DARS1: variants seen among roughly 807,000 people sequenced by gnomAD.
The protein encoded by DARS1 is aspartyl-tRNA synthetase 1, also known as aspartate--tRNA ligase, cytoplasmic.
A neutral mutation model predicts 68.8 loss-of-function variants in DARS1; 51 were observed. The observed-to-expected ratio is 0.74, with a 90% CI of 0.59 to 0.94. The LOEUF (loss-of-function observed/expected upper bound fraction) is 0.94, where lower values mean the gene tolerates loss of function less well. DARS1 is among the 40% of genes least tolerant of loss of function. The pLI is 0.00. For synonymous variants in DARS1, 203 were observed against 190.4 expected, an observed-to-expected ratio of 1.07 and a Z score of -0.55; for missense variants, 607 against 597.3, an observed-to-expected ratio of 1.02 and a Z score of -0.17.
chr2:135,929,955 C>T (rs1681306874), intron 7 of DARS1, among the ~76,000 whole-genome samples: 1 of 152,020 alleles, frequency 6.6e-6, no homozygotes, highest in Admixed American at 6.6e-5. Flanking sequence ...TGACTGGGGG[C>T]ATTTGCCATG....
In DARS1 at chr2:135,932,806, C is replaced by T; in HGVS notation, c.541G>A (p.Asp181Asn). Reference sequence around the variant, plus strand: ...ACCCTAAGATCAATGACTCTGTTGTCTAATCTTGTATCCTGGTTAACAGTA... The same window carrying T: ...ACCCTAAGATCAATGACTCTGTTGTTTAATCTTGTATCCTGGTTAACAGTA... The part of the protein sequence containing the change: ...RATVNQDTRL[D>N]NRVIDLRTST... The change falls in exon 7 of 16, where the codon GAC becomes AAC. Residue 181 changes from aspartate (D) to asparagine (N), a missense_variant. By Grantham distance (23) the Asp-to-Asn change is conservative (BLOSUM62 1). Transcript: ENST00000264161. 1 of 1,315,988 alleles carries T rather than the reference C, an allele frequency of 7.6e-7. No homozygotes were observed. Among genetic ancestry groups the T allele is most frequent in the Non-Finnish European group, 1.1e-6 (1 of 917,910 alleles). The allele number at this position is 1,315,988 out of a possible 1,614,324, so 81.5% of individuals were successfully genotyped here.
chr2:135,949,759 G>A (rs946259374), intron 4 of DARS1, among the ~76,000 whole-genome samples: 1 of 152,156 alleles, frequency 6.6e-6, no homozygotes, highest in Non-Finnish European at 1.5e-5. Context: ...AATCCAATTA[G>A]TGAATCAACT....
chr2:135,952,123 T>C (rs1681850867), intron 4 of DARS1, among the ~76,000 whole-genome samples: 1 of 152,018 alleles, frequency 6.6e-6, no homozygotes, highest in Non-Finnish European at 1.5e-5. Context: ...CGCCTGTAAT[T>C]TACCCAGCTA....
intron 10 of DARS1, 51 bp downstream of exon 10, chr2:135,920,402 G>A: frequency 6.6e-7 from 1 of 1,519,680 alleles, no homozygotes; most frequent in Non-Finnish European, 8.8e-7. Context: ...TTTTTTAAAG[G>A]GCCCAAACAT....
intron 7 of DARS1, among the ~76,000 whole-genome samples, chr2:135,931,560 C>T (rs1415662840): frequency 1.1e-4 from 17 of 152,058 alleles, no homozygotes; most frequent in Admixed American, 9.8e-4. Flanking sequence ...TAGAAGGAAA[C>T]GAAGGTGCTT....
chr2:135,932,106 A>G (rs1476412640), intron 7 of DARS1, among the ~76,000 whole-genome samples: 2 of 152,230 alleles, frequency 1.3e-5, no homozygotes, highest in African/African-American at 4.8e-5. Flanking sequence ...TGAGTATATA[A>G]TAAGGGTAGA....
intron 1 of DARS1, 111 bp downstream of exon 1, chr2:135,985,292 C>G: frequency 6.9e-7 from 1 of 1,454,058 alleles, no homozygotes; most frequent in Non-Finnish European, 9.1e-7. Flanking sequence ...CCGCAGCCTG[C>G]GGAGAACGTG....
chr2:135,984,757 T>C (rs1682732402), intron 1 of DARS1, among the ~76,000 whole-genome samples: 1 of 152,286 alleles, frequency 6.6e-6, no homozygotes, highest in East Asian at 1.9e-4. Context: ...ACATAACTTG[T>C]AGGATGGTTT....
chr2:135,910,917 C>A, intron 15 of DARS1: 1 of 449,406 alleles, frequency 2.2e-6, no homozygotes, highest in Non-Finnish European at 4.1e-6. Context: ...AAACAGGATA[C>A]TCCACTTACA....
chr2:135,957,979 C>T (rs186631762), intron 4 of DARS1, among the ~76,000 whole-genome samples: 26 of 152,176 alleles, frequency 1.7e-4, no homozygotes, highest in African/African-American at 5.5e-4. Context: ...AAGCTTGTAG[C>T]CTTAGAGCCA....
intron 4 of DARS1, among the ~76,000 whole-genome samples, chr2:135,954,863 G>A (rs1426851491): frequency 6.6e-6 from 1 of 152,072 alleles, no homozygotes; most frequent in Non-Finnish European, 1.5e-5. Context: ...CAAGATGACA[G>A]AAGATGGGCA....
At chr2:135,973,691 C>CA (rs1368668629) in intron 3 of DARS1, among the ~76,000 whole-genome samples, 1 of 150,570 alleles carries the variant, frequency 6.6e-6, no homozygotes, top group Non-Finnish European at 1.5e-5. Context: ...CCCATCTTTA[C>CA]AAAAAAAATG....
At chr2:135,948,452 CA>C (rs1681773542) in intron 4 of DARS1, among the ~76,000 whole-genome samples, 1 of 152,212 alleles carries the variant, frequency 6.6e-6, no homozygotes, top group Non-Finnish European at 1.5e-5. Flanking sequence ...ATATGACACA[CA>C]TAAATCTTTG....
intron 4 of DARS1, among the ~76,000 whole-genome samples, chr2:135,945,030 C>T (rs1353634860): frequency 2.6e-5 from 4 of 152,168 alleles, no homozygotes; most frequent in Non-Finnish European, 4.4e-5. Flanking sequence ...TTGGTCCCCT[C>T]GTCTCACAAA....
chr2:135,928,395 CTTTT>C (rs536657078), intron 7 of DARS1, among the ~76,000 whole-genome samples: 1 of 146,916 alleles, frequency 6.8e-6, no homozygotes, highest in Non-Finnish European at 1.5e-5. Flanking sequence ...TTATGTAGAA[CTTTT>C]TTTTTTTGTT....
At chr2:135,939,075 C>A (rs960036193) in intron 5 of DARS1, among the ~76,000 whole-genome samples, 3 of 152,150 alleles carry the variant, frequency 2.0e-5, no homozygotes, top group African/African-American at 7.2e-5. Flanking sequence ...CTTTAACACC[C>A]CACTGTCAAC....
At chr2:135,930,082 C>G (rs1681308750) in intron 7 of DARS1, among the ~76,000 whole-genome samples, 1 of 152,054 alleles carries the variant, frequency 6.6e-6, no homozygotes, top group Admixed American at 6.6e-5. Flanking sequence ...TGACAAATTT[C>G]AAAACAAAAA....
rs562094446 is a variant in DARS1 at position 135,915,624 on chromosome 2, A to G, written c.1106+602T>C. Among the ~76,000 whole-genome samples, 94 of 152,296 alleles carry G rather than the reference A, an allele frequency of 6.2e-4. 1 individual carries two copies. The highest frequency in any genetic ancestry group is 3.1e-3 in the Admixed American group (47 of 15,296). On this transcript the variant is annotated intron_variant, in intron 11 of 15. Coordinates refer to ENST00000264161, the MANE Select transcript of DARS1 (RefSeq NM_001349.4). ...AAACTACATAATTTGTTTCAAAATT[A>G]TAAGTCGTATGATCTAAATTTAGAT...
intron 4 of DARS1, among the ~76,000 whole-genome samples, chr2:135,944,776 G>C (rs1486497306): frequency 2.0e-5 from 3 of 152,108 alleles, no homozygotes; most frequent in African/African-American, 4.8e-5. Flanking sequence ...CTGTTACAAA[G>C]TTTTCTAATA....
Sources: allele counts gnomAD v4.1 joint callset (sites outside exome capture counted in the v4.1 genomes callset), GRCh38; gene constraint gnomAD v4.1.1; transcripts MANE v1.5; gene names NCBI Gene and HGNC (gene_info 2026-07-23, HGNC 2026-07-21).